ADARB1: variants seen among roughly 807,000 people sequenced by gnomAD.
The protein encoded by ADARB1 is double-stranded RNA-specific editase 1.
Under a neutral mutation model 52.4 loss-of-function variants are expected in ADARB1, and 10 were observed. That is an observed-to-expected ratio of 0.19 (90% CI 0.12 to 0.32). The LOEUF is 0.32. Among genes scored for constraint, ADARB1 ranks in the 10% least tolerant of loss-of-function variants. The pLI, the probability that ADARB1 is intolerant of heterozygous loss-of-function variation, is 1.00. For synonymous variants in ADARB1, 349 were observed against 371.1 expected (o/e 0.94, Z 0.68); for missense variants, 643 against 922.3 (o/e 0.70, Z 3.92).
chr21:45,190,923 G>A (rs2092264460), intron 8 of ADARB1, among the ~76,000 whole-genome samples: 1 of 152,228 alleles, frequency 6.6e-6, no homozygotes, highest in Admixed American at 6.5e-5. Flanking sequence ...TTTAGGGAAA[G>A]GGGAACAAAC....
chr21:45,223,935 A>G lies in ADARB1; in HGVS notation c.*1738A>G. ...CCCACAGCAGCCTCCTCCTCCACCG[A>G]AGAGGGTAGTTGTCTCCCTGAAGCA... On this transcript the variant is annotated 3_prime_UTR_variant, in exon 11 of 11. Coordinates refer to ENST00000348831, the MANE Select transcript of ADARB1 (RefSeq NM_001112.4). 1.1e-5 allele frequency: 11 copies of G among 985,458 alleles called. No homozygotes were observed. Among genetic ancestry groups the G allele is most frequent in the Non-Finnish European group, 1.3e-5 (11 of 830,098 alleles). The allele number at this position is 985,458 out of a possible 1,614,324, so 61.0% of individuals were successfully genotyped here.
intron 1 of ADARB1, among the ~76,000 whole-genome samples, chr21:45,126,399 T>C (rs1323848311): frequency 1.3e-5 from 2 of 152,200 alleles, no homozygotes; most frequent in African/African-American, 4.8e-5. Flanking sequence ...CTGCTGTCTC[T>C]GTCACCTGCT....
intron 2 of ADARB1, among the ~76,000 whole-genome samples, chr21:45,159,393 G>T (rs752834881): frequency 2.0e-5 from 3 of 152,182 alleles, no homozygotes; most frequent in Non-Finnish European, 2.9e-5. Flanking sequence ...TGGGAATTAT[G>T]GGAGCTACAA....
chr21:45,194,209 C>A (rs2092370986), intron 8 of ADARB1, among the ~76,000 whole-genome samples: 1 of 152,168 alleles, frequency 6.6e-6, no homozygotes, highest in South Asian at 2.1e-4. Flanking sequence ...CCAGTGCCCT[C>A]ACGTATGCAC....
chr21:45,117,885 T>C (rs1403946795), intron 1 of ADARB1, among the ~76,000 whole-genome samples: 1 of 152,230 alleles, frequency 6.6e-6, no homozygotes, highest in Non-Finnish European at 1.5e-5. Flanking sequence ...TTTCTTCTCT[T>C]AAGTTCTTCT....
chr21:45,204,860 C>A lies in ADARB1; in HGVS notation c.1747+124C>A. ...CTATCAAAAGAACATCAGAGTCCTT[C>A]TAAAGAGACCCAAGGTGATGTTTCT... On this transcript the variant is annotated intron_variant, in intron 9 of 10. Coordinates refer to ENST00000348831, the MANE Select transcript of ADARB1 (RefSeq NM_001112.4). The surrounding 1 kb of genome is among the most constrained non-coding windows in gnomAD (Gnocchi z 4.4). 9.5e-7 allele frequency: 1 copy of A among 1,049,662 alleles called. No homozygotes were observed. Among genetic ancestry groups the A allele is most frequent in the Non-Finnish European group, 1.3e-6 (1 of 741,254 alleles). The allele number at this position is 1,049,662 out of a possible 1,614,324, so 65.0% of individuals were successfully genotyped here.
At chr21:45,124,787 ATGTGTGTG>A (rs56113860) in intron 1 of ADARB1, among the ~76,000 whole-genome samples, 5 of 135,704 alleles carry the variant, frequency 3.7e-5, no homozygotes, top group Non-Finnish European at 3.3e-5. Flanking sequence ...GTGTGTGTGT[ATGTGTGTG>A]TGTGTGTGTG....
chr21:45,199,133 A>G (rs528690644), intron 8 of ADARB1, among the ~76,000 whole-genome samples: 33 of 152,322 alleles, frequency 2.2e-4, no homozygotes, highest in Non-Finnish European at 3.8e-4. Context: ...TCTCTCTCAC[A>G]GAAAATTAAG....
intron 9 of ADARB1, among the ~76,000 whole-genome samples, chr21:45,215,589 C>T (rs1049397435): frequency 6.6e-6 from 1 of 151,768 alleles, no homozygotes; most frequent in Non-Finnish European, 1.5e-5. Context: ...TAGTGAGACC[C>T]CATCTGAAAC....
chr21:45,201,949 A>ATTGGTGTTC (rs2092563501), intron 8 of ADARB1, among the ~76,000 whole-genome samples: 1 of 152,130 alleles, frequency 6.6e-6, no homozygotes, highest in South Asian at 2.1e-4. Context: ...GGACCTGTGG[A>ATTGGTGTTC]CAGAAGCTTT....
intron 2 of ADARB1, among the ~76,000 whole-genome samples, chr21:45,131,599 G>A (rs1388904140): frequency 6.6e-6 from 1 of 152,190 alleles, no homozygotes; most frequent in East Asian, 1.9e-4. Context: ...GCTACCTGTT[G>A]CTACCACCGG....
At chr21:45,161,368 A>G (rs1747181921) in intron 2 of ADARB1, among the ~76,000 whole-genome samples, 1 of 152,190 alleles carries the variant, frequency 6.6e-6, no homozygotes, top group Non-Finnish European at 1.5e-5. Flanking sequence ...GCCTGCTCCC[A>G]CTGCTTGGTC....
intron 2 of ADARB1, chr21:45,145,246 C>G (rs1002793973): frequency 6.6e-6 from 1 of 152,570 alleles, no homozygotes; most frequent in African/African-American, 2.4e-5. Flanking sequence ...ACTTGCGTTT[C>G]CTAGACGGGG....
intron 2 of ADARB1, among the ~76,000 whole-genome samples, chr21:45,139,215 C>G (rs542738157): frequency 6.6e-6 from 1 of 152,244 alleles, no homozygotes; most frequent in Non-Finnish European, 1.5e-5. Context: ...GTCACTGCTC[C>G]CAGCCTTGTT....
chr21:45,110,824 G>GGC (rs1297597409), intron 1 of ADARB1, among the ~76,000 whole-genome samples: 2 of 152,142 alleles, frequency 1.3e-5, no homozygotes, highest in Non-Finnish European at 2.9e-5. Context: ...AAATGCAGTG[G>GGC]GCGCATCTCT....
At chr21:45,156,886 G>T (rs112021610) in intron 2 of ADARB1, among the ~76,000 whole-genome samples, 37 of 152,154 alleles carry the variant, frequency 2.4e-4, no homozygotes, top group African/African-American at 5.5e-4. Context: ...GGATTTATGT[G>T]ATTTGTCACT....
chr21:45,139,289 C>G (rs1406397789), intron 2 of ADARB1, among the ~76,000 whole-genome samples: 1 of 152,112 alleles, frequency 6.6e-6, no homozygotes, highest in Non-Finnish European at 1.5e-5. Context: ...AATCAAAGTT[C>G]CAAATTCATA....
intron 1 of ADARB1, among the ~76,000 whole-genome samples, chr21:45,118,974 G>A (rs2087987317): frequency 6.6e-6 from 1 of 152,154 alleles, no homozygotes; most frequent in South Asian, 2.1e-4. Context: ...TTAGCACCGT[G>A]CACTATTATG....
chr21:45,136,130 C>T (rs376319683), intron 2 of ADARB1, among the ~76,000 whole-genome samples: 5 of 152,118 alleles, frequency 3.3e-5, no homozygotes, highest in East Asian at 1.9e-4. Flanking sequence ...TGGAGGACCA[C>T]GAACTCCCTC....
Sources: allele counts gnomAD v4.1 joint callset (sites outside exome capture counted in the v4.1 genomes callset), GRCh38; gene constraint gnomAD v4.1.1; non-coding constraint Gnocchi (gnomAD v3.1); transcripts MANE v1.5; gene names NCBI Gene and HGNC (gene_info 2026-07-23, HGNC 2026-07-21).